Variants in SHISA6 observed in about 807,000 individuals in gnomAD.
SHISA6 encodes protein shisa-6.
SHISA6 carries 22 observed loss-of-function variants against 47.9 expected under a neutral mutation model. The ratio of observed to expected loss-of-function variants is 0.46; its 90% confidence interval spans 0.33 to 0.66. The LOEUF (loss-of-function observed/expected upper bound fraction) is 0.66, where lower values mean the gene tolerates loss of function less well. SHISA6 is among the 30% of genes least tolerant of loss of function. The pLI, the probability that SHISA6 is intolerant of heterozygous loss-of-function variation, is 0.02. For missense variants in SHISA6, 680 were observed against 764.6 expected (o/e 0.89, Z 1.30); for synonymous variants, 388 against 337.8 (o/e 1.15, Z -1.63).
intron 3 of SHISA6, among the ~76,000 whole-genome samples, chr17:11,496,816 G>A (rs1477059763): frequency 1.3e-5 from 2 of 152,036 alleles, no homozygotes; most frequent in Admixed American, 1.3e-4. Context: ...TGGGCACTGT[G>A]GCAAACTGGA....
intron 2 of SHISA6, among the ~76,000 whole-genome samples, chr17:11,341,860 A>G (rs898017535): frequency 2.0e-5 from 3 of 152,144 alleles, no homozygotes; most frequent in Admixed American, 6.5e-5. Flanking sequence ...CAGGAGGAAG[A>G]CTGTATATTT....
intron 2 of SHISA6, among the ~76,000 whole-genome samples, chr17:11,266,445 G>T (rs1908427078): frequency 6.6e-6 from 1 of 152,240 alleles, no homozygotes; most frequent in African/African-American, 2.4e-5. Flanking sequence ...ATTAGAGTTT[G>T]AGAAGCACTG....
intron 3 of SHISA6, among the ~76,000 whole-genome samples, chr17:11,389,524 G>A (rs1913318479): frequency 6.6e-6 from 1 of 152,148 alleles, no homozygotes; most frequent in Non-Finnish European, 1.5e-5. Context: ...CTTTCTATTA[G>A]GCAGAAGGGG....
chr17:11,361,448 A>G (rs1260865591), intron 2 of SHISA6, among the ~76,000 whole-genome samples: 4 of 152,226 alleles, frequency 2.6e-5, no homozygotes, highest in Non-Finnish European at 5.9e-5. Context: ...GGAAATATAA[A>G]GTTAATCTCA....
Position 11,558,407 on chromosome 17 carries a change from C to T in SHISA6, c.*103C>T. Reference sequence around the variant, plus strand: ...GCCTTGCCACTCTCCCTTCCCTTGTCCCCTCTGTAGGAAGTGGGGGTGGGC... The same window carrying T: ...GCCTTGCCACTCTCCCTTCCCTTGTTCCCTCTGTAGGAAGTGGGGGTGGGC... On this transcript the variant is annotated 3_prime_UTR_variant, in exon 6 of 6. Transcript: ENST00000441885. 1 of 1,342,038 alleles carries T rather than the reference C, an allele frequency of 7.5e-7. No individual in the cohort carries two copies. The highest frequency in any genetic ancestry group is 1.0e-6 in the Non-Finnish European group (1 of 997,326). The allele number at this position is 1,342,038 out of a possible 1,614,324, so 83.1% of individuals were successfully genotyped here. A position where few individuals can be genotyped will look rare whatever the true frequency, so the allele number is the denominator to read the frequency against.
chr17:11,490,702 C>T (rs954205952), intron 3 of SHISA6, among the ~76,000 whole-genome samples: 3 of 152,206 alleles, frequency 2.0e-5, no homozygotes, highest in African/African-American at 7.2e-5. Flanking sequence ...AGACCTGAGC[C>T]AGAGGCCTTC....
intron 3 of SHISA6, among the ~76,000 whole-genome samples, chr17:11,413,746 G>T (rs897922192): frequency 6.6e-6 from 1 of 152,170 alleles, no homozygotes; most frequent in Non-Finnish European, 1.5e-5. Flanking sequence ...GCAGAGCCAT[G>T]TTCCGCTTCT....
chr17:11,421,020 C>T lies in SHISA6; in HGVS notation c.895+41511C>T, dbSNP rs560989322. The stretch of plus-strand genomic sequence containing the variant: ...TTCAGGAGACACAGATTATTGCTGG[C>T]GGGACTGAAGCCCATTTCTCCTCAT... On this transcript the variant is annotated intron_variant, in intron 3 of 5. Transcript: ENST00000441885. Among the ~76,000 whole-genome samples, 5 of 152,224 alleles carry T rather than the reference C, an allele frequency of 3.3e-5. No individual in the cohort carries two copies. The East Asian group carries it at 5.8e-4, about 18-fold the overall frequency.
At chr17:11,369,550 A>G (rs1342506632) in intron 2 of SHISA6, among the ~76,000 whole-genome samples, 2 of 152,232 alleles carry the variant, frequency 1.3e-5, no homozygotes, top group African/African-American at 4.8e-5. Context: ...GGGCTAACAC[A>G]CCATGCATCT....
rs1454323879 is a variant in SHISA6 at position 11,340,512 on chromosome 17, T to C, written c.800-38902T>C. ...GCCTGGTCCCAGACTTGCTACAGCATTGCTTCTGCTCCATTCTGTTGGCCC... is the reference window on the plus strand; with the variant it reads ...GCCTGGTCCCAGACTTGCTACAGCACTGCTTCTGCTCCATTCTGTTGGCCC... On this transcript the variant is annotated intron_variant, in intron 2 of 5. Coordinates refer to ENST00000441885, the MANE Select transcript of SHISA6 (RefSeq NM_207386.4). Among the ~76,000 whole-genome samples, 3 of 152,200 alleles carry C rather than the reference T, an allele frequency of 2.0e-5. No individual in the cohort carries two copies. In the South Asian group the frequency reaches 6.2e-4, roughly 31 times the overall value.
intron 3 of SHISA6, among the ~76,000 whole-genome samples, chr17:11,409,224 T>C (rs1384502826): frequency 6.6e-6 from 1 of 152,198 alleles, no homozygotes; most frequent in Admixed American, 6.5e-5. Flanking sequence ...CCTAATTAAG[T>C]CAGACAGTAA....
chr17:11,476,171 CT>C (rs1174518577), intron 3 of SHISA6, among the ~76,000 whole-genome samples: 1 of 151,606 alleles, frequency 6.6e-6, no homozygotes, highest in Non-Finnish European at 1.5e-5. Flanking sequence ...TGTGCTGTCC[CT>C]TTTTTTTCTT....
At chr17:11,277,318 A>ACACACACACACACACAC (rs1389004430) in intron 2 of SHISA6, among the ~76,000 whole-genome samples, 2 of 127,988 alleles carry the variant, frequency 1.6e-5, no homozygotes, top group Non-Finnish European at 3.3e-5. Context: ...ACACACACAC[A>ACACACACACACACACAC]CCCCGCATGT....
rs567869825 is a variant in SHISA6, at chr17:11,530,964, T to A, written c.896-20932T>A. Among the ~76,000 whole-genome samples, 6 of 152,346 alleles carry A rather than the reference T, an allele frequency of 3.9e-5. No individual in the cohort carries two copies. The East Asian group carries it at 1.2e-3, about 29-fold the overall frequency. On this transcript the variant is annotated intron_variant, in intron 3 of 5. Coordinates refer to ENST00000441885, the MANE Select transcript of SHISA6 (RefSeq NM_207386.4). ...TCCCCATAGGCAGTATCAGCTGATG[T>A]TTGGTAGGTTACTGCAGTATTCGTA...
At chr17:11,293,694 A>T (rs1490254783) in intron 2 of SHISA6, among the ~76,000 whole-genome samples, 1 of 152,052 alleles carries the variant, frequency 6.6e-6, no homozygotes, top group African/African-American at 2.4e-5. Flanking sequence ...TATGATCTCG[A>T]TGGATATCTG....
intron 2 of SHISA6, among the ~76,000 whole-genome samples, chr17:11,326,160 A>T (rs900881342): frequency 2.0e-4 from 31 of 151,828 alleles, no homozygotes; most frequent in African/African-American, 6.5e-4. Flanking sequence ...AGTCCCAGCT[A>T]CTCGAGAGGC....
intron 3 of SHISA6, among the ~76,000 whole-genome samples, chr17:11,549,983 G>A (rs2071916356): frequency 2.6e-5 from 4 of 152,132 alleles, no homozygotes; most frequent in South Asian, 4.2e-4. Context: ...TCTGTCTTGC[G>A]AAGGGACAGT....
At chr17:11,259,409 G>C (rs1376493336) in intron 1 of SHISA6, among the ~76,000 whole-genome samples, 1 of 152,218 alleles carries the variant, frequency 6.6e-6, no homozygotes, top group Non-Finnish European at 1.5e-5. Flanking sequence ...AAGAGCCAGT[G>C]TCTGGGACAT....
chr17:11,384,695 G>T (rs1309938235), intron 3 of SHISA6, among the ~76,000 whole-genome samples: 2 of 152,180 alleles, frequency 1.3e-5, no homozygotes, highest in East Asian at 3.9e-4. Context: ...TGCAGCTGCA[G>T]AGTGAATGTG....
Sources: gnomAD v4.1 joint callset for allele counts (sites outside exome capture counted in the v4.1 genomes callset) on GRCh38, gnomAD v4.1.1 for gene constraint, MANE v1.5 for transcripts, NCBI Gene and HGNC (gene_info 2026-07-23, HGNC 2026-07-21) for gene names.